Variants in ADGRF5 observed in about 807,000 individuals in gnomAD.
The protein encoded by ADGRF5 is G-protein coupled receptor 116.
Under a neutral mutation model 132.3 loss-of-function variants are expected in ADGRF5, and 75 were observed. The observed-to-expected ratio is 0.57, with a 90% CI of 0.47 to 0.69. The LOEUF (loss-of-function observed/expected upper bound fraction) is 0.69, where lower values mean the gene tolerates loss of function less well. Ranked by LOEUF, ADGRF5 falls within the 30% of genes least tolerant of loss-of-function variation. ADGRF5 has a pLI of 0.00. For synonymous variants in ADGRF5, 629 were observed against 597.6 expected (o/e 1.05, Z -0.77); for missense variants, 1,516 against 1,630.6 (o/e 0.93, Z 1.21).
At chr6:46,877,044 T>C (rs1021184402) in intron 10 of ADGRF5, among the ~76,000 whole-genome samples, 1 of 152,264 alleles carries the variant, frequency 6.6e-6, no homozygotes, top group African/African-American at 2.4e-5. Context: ...CGCATTATAC[T>C]GTTGTTTCTT....
At chr6:46,907,373 A>G (rs1293953361) in intron 1 of ADGRF5, among the ~76,000 whole-genome samples, 1 of 151,420 alleles carries the variant, frequency 6.6e-6, no homozygotes, top group East Asian at 1.9e-4. Flanking sequence ...TTATTTATTT[A>G]TTTTTTTTAT....
chr6:46,866,826 T>C (rs1299251478), intron 13 of ADGRF5, 99 bp downstream of exon 13: 2 of 690,168 alleles, frequency 2.9e-6, no homozygotes, highest in Non-Finnish European at 5.1e-6. Flanking sequence ...CTATCTCTGA[T>C]ACAATCCTAT....
intron 1 of ADGRF5, among the ~76,000 whole-genome samples, chr6:46,940,960 G>T (rs1778025099): frequency 6.6e-6 from 1 of 152,168 alleles, no homozygotes; most frequent in Non-Finnish European, 1.5e-5. Flanking sequence ...CTAAGTTCTT[G>T]GCTTCACACT....
At chr6:46,857,179 C>T (rs1769152263) in intron 17 of ADGRF5, among the ~76,000 whole-genome samples, 1 of 152,204 alleles carries the variant, frequency 6.6e-6, no homozygotes, top group Non-Finnish European at 1.5e-5. Context: ...TATTAATACA[C>T]CTCTTGTGTC....
intron 1 of ADGRF5, among the ~76,000 whole-genome samples, chr6:46,917,509 T>A (rs1776524682): frequency 6.6e-6 from 1 of 152,212 alleles, no homozygotes; most frequent in Non-Finnish European, 1.5e-5. Flanking sequence ...CCCCCATCTA[T>A]AAAATGGGGA....
intron 1 of ADGRF5, among the ~76,000 whole-genome samples, chr6:46,930,568 GGCTGGCATGCA>G (rs1450729228): frequency 1.3e-5 from 2 of 152,142 alleles, no homozygotes; most frequent in Admixed American, 1.3e-4. Flanking sequence ...GTTATTTATG[GGCTGGCATGCA>G]GCTTGCATGT....
intron 1 of ADGRF5, among the ~76,000 whole-genome samples, chr6:46,913,267 G>C (rs1416225504): frequency 2.0e-5 from 3 of 152,124 alleles, no homozygotes; most frequent in African/African-American, 4.8e-5. Context: ...GAAGGCCAAG[G>C]GGGGCGGATC....
At chr6:46,878,578 A>C (rs1297159196) in intron 9 of ADGRF5, among the ~76,000 whole-genome samples, 173 bp from the exon 10 acceptor site, 1 of 152,220 alleles carries the variant, frequency 6.6e-6, no homozygotes, top group Non-Finnish European at 1.5e-5. Context: ...GGAAGTGCAG[A>C]TATTTCTCAT....
chr6:46,889,698 G>C (rs1581868164), intron 3 of ADGRF5, among the ~76,000 whole-genome samples: 1 of 146,530 alleles, frequency 6.8e-6, no homozygotes, highest in African/African-American at 2.5e-5. Context: ...TATTTAGACT[G>C]TCTAGTCTAG....
chr6:46,873,895 C>G (rs1771357829), intron 10 of ADGRF5, among the ~76,000 whole-genome samples: 1 of 152,206 alleles, frequency 6.6e-6, no homozygotes, highest in South Asian at 2.1e-4. Flanking sequence ...ACCTTTTACC[C>G]CTACTCAGTT....
intron 1 of ADGRF5, among the ~76,000 whole-genome samples, chr6:46,942,648 C>G (rs964248754): frequency 6.6e-6 from 1 of 152,232 alleles, no homozygotes; most frequent in Non-Finnish European, 1.5e-5. Flanking sequence ...AATCCTAAGA[C>G]TAAGATGCTT....
At chr6:46,939,499 A>G (rs1777974697) in intron 1 of ADGRF5, among the ~76,000 whole-genome samples, 1 of 152,202 alleles carries the variant, frequency 6.6e-6, no homozygotes, top group Non-Finnish European at 1.5e-5. Context: ...AAATGAGGAG[A>G]AAGAGTAACT....
chr6:46,861,868 T>A (rs1401480346), intron 15 of ADGRF5, among the ~76,000 whole-genome samples: 2 of 152,218 alleles, frequency 1.3e-5, no homozygotes, highest in African/African-American at 2.4e-5. Context: ...ACAATTTCTA[T>A]CTTTCTTCAT....
chr6:46,939,535 C>A (rs1360984482), intron 1 of ADGRF5, among the ~76,000 whole-genome samples: 1 of 152,112 alleles, frequency 6.6e-6, no homozygotes, highest in African/African-American at 2.4e-5. Flanking sequence ...GTCTCTTGGG[C>A]CCAATAAAAG....
At chr6:46,860,682 C>A in intron 16 of ADGRF5, 33 bp downstream of exon 16, 1 of 1,558,056 alleles carries the variant, frequency 6.4e-7, no homozygotes, top group South Asian at 1.1e-5. Context: ...AAAGGTAAGA[C>A]CCAAAACTCC....
In ADGRF5 at chr6:46,902,976, T is replaced by C. The variant is rs573464639; in HGVS notation, c.103-2893A>G. On this transcript the variant is annotated intron_variant, in intron 2 of 20. Transcript: ENST00000283296. ...CACAGTTTCAGATTTTTAGGAGATG[T>C]CATTCACTCCCTCGAATCCTCTGTT... 3.3e-4 allele frequency among the ~76,000 whole-genome samples: 51 copies of C among 152,306 alleles called. 1 individual carries two copies. The highest frequency in any genetic ancestry group is 3.4e-3 in the Middle Eastern group (1 of 294).
chr6:46,878,411 T>G lies in ADGRF5; in HGVS notation c.1037-6A>C. ...CAGTTTGCAAACATATTCACCTGCA[T>G]AAAATACACAAAATCATGTATTATT... is the stretch of plus-strand genomic sequence containing the variant. On this transcript the variant is annotated splice_region_variant and splice_polypyrimidine_tract_variant and intron_variant, in intron 9 of 20. Coordinates refer to ENST00000283296, the MANE Select transcript of ADGRF5 (RefSeq NM_001098518.2). 1 of 1,525,480 alleles carries G rather than the reference T, an allele frequency of 6.6e-7. No homozygotes were observed. Among genetic ancestry groups the G allele is most frequent in the Non-Finnish European group, 9.1e-7 (1 of 1,101,048 alleles). The allele number at this position is 1,525,480 out of a possible 1,614,324, so 94.5% of individuals were successfully genotyped here. A position where few individuals can be genotyped will look rare whatever the true frequency, so the allele number is the denominator to read the frequency against.
intron 14 of ADGRF5, among the ~76,000 whole-genome samples, chr6:46,864,816 A>G (rs530990): frequency 0.83 from 126,842 of 152,056 alleles, 54,773 homozygotes; most frequent in East Asian, 0.99. Flanking sequence ...GAGCCACCGC[A>G]CCCGGCCAAT....
At chr6:46,872,286 A>G (rs1386180523) in intron 10 of ADGRF5, among the ~76,000 whole-genome samples, 1 of 152,178 alleles carries the variant, frequency 6.6e-6, no homozygotes, top group Non-Finnish European at 1.5e-5. Flanking sequence ...TAAAATGAGG[A>G]TTAATAATTG....
Sources: allele counts gnomAD v4.1 joint callset (sites outside exome capture counted in the v4.1 genomes callset), GRCh38; gene constraint gnomAD v4.1.1; transcripts MANE v1.5; gene names NCBI Gene and HGNC (gene_info 2026-07-23, HGNC 2026-07-21).